Variants in ITIH5 observed in about 807,000 individuals in gnomAD.
The protein encoded by ITIH5 is inter-alpha-trypsin inhibitor heavy chain H5.
ITIH5 carries 65 observed loss-of-function variants against 77.5 expected under a neutral mutation model. The observed-to-expected ratio is 0.84, with a 90% CI of 0.69 to 1.03. ITIH5 has a LOEUF of 1.03. Ranked by LOEUF, ITIH5 falls within the 50% of genes least tolerant of loss-of-function variation. ITIH5 has a pLI of 0.00. For missense variants in ITIH5, 1,208 were observed against 1,213.1 expected, an observed-to-expected ratio of 1.00 and a Z score of 0.06; for synonymous variants, 525 against 494.3, an observed-to-expected ratio of 1.06 and a Z score of -0.82.
intron 10 of ITIH5, 134 bp downstream of exon 10, chr10:7,576,319 C>G (rs535516800): frequency 1.2e-6 from 1 of 826,016 alleles, no homozygotes; most frequent in Non-Finnish European, 1.8e-6. Context: ...CTACTATACC[C>G]GGTCTGGGTT....
chr10:7,603,101 T>C (rs1833048468), intron 7 of ITIH5, among the ~76,000 whole-genome samples: 1 of 152,098 alleles, frequency 6.6e-6, no homozygotes, highest in Non-Finnish European at 1.5e-5. Context: ...CACCTCTGAG[T>C]GTAGCTGCAG....
intron 5 of ITIH5, among the ~76,000 whole-genome samples, chr10:7,628,541 T>C (rs1252713609): frequency 2.0e-5 from 3 of 152,242 alleles, no homozygotes; most frequent in South Asian, 4.1e-4. Context: ...CATGTGTCCA[T>C]GTGATACCAT....
chr10:7,634,670 G>A (rs1170610305), intron 5 of ITIH5, among the ~76,000 whole-genome samples: 1 of 151,830 alleles, frequency 6.6e-6, no homozygotes, highest in Admixed American at 6.6e-5. Context: ...CCCACAACAC[G>A]TACACATCTC....
chr10:7,619,815 A>C lies in ITIH5; in HGVS notation c.653-2533T>G, dbSNP rs1833443815. On this transcript the variant is annotated intron_variant, in intron 5 of 13. Coordinates refer to ENST00000397146, the MANE Select transcript of ITIH5 (RefSeq NM_030569.7). ...CACTCCTCCGACACATGGGGATTAC[A>C]ATTCGAAATGCTATTTCCGTGGGGA... is the stretch of plus-strand genomic sequence containing the variant. 4 of 159,184 alleles carry C rather than the reference A, an allele frequency of 2.5e-5. No homozygotes were observed. The South Asian group carries it at 4.9e-4, about 20-fold the overall frequency. The allele number at this position is 159,184 out of a possible 1,614,324, so 9.9% of individuals were successfully genotyped here. A position where few individuals can be genotyped will look rare whatever the true frequency, so the allele number is the denominator to read the frequency against.
chr10:7,624,798 A>AAAAT (rs1471890933), intron 5 of ITIH5, among the ~76,000 whole-genome samples: 7 of 61,798 alleles, frequency 1.1e-4, no homozygotes, highest in African/African-American at 2.8e-4. Flanking sequence ...AAAAAAAAAA[A>AAAAT]ATATATATAT....
Position 7,644,539 on chromosome 10 carries a change from CAT to C in ITIH5, c.136-2451_136-2450del, listed in dbSNP as rs1318559164. Among the ~76,000 whole-genome samples the C allele has an allele frequency of 1.6e-4, 20 of 126,660 alleles. No homozygotes were observed. In the East Asian group the frequency reaches 4.6e-3, roughly 29 times the overall value. 83.1% of individuals were successfully genotyped at this position (126,660 alleles called of 152,430 possible). On this transcript the variant is annotated intron_variant, in intron 2 of 13. Coordinates refer to ENST00000397146, the MANE Select transcript of ITIH5 (RefSeq NM_030569.7). The stretch of plus-strand genomic sequence containing the variant: ...TATATCACATATATATGATATATCA[CAT>C]ATATATGATATATCACATATATATG...
At chr10:7,666,734 C>T (rs1308851934) in intron 1 of ITIH5, 69 bp downstream of exon 1, 2 of 1,335,020 alleles carry the variant, frequency 1.5e-6, no homozygotes, top group Non-Finnish European at 2.1e-6. Context: ...GGCAGAAGCT[C>T]CGCGGCCGGG....
At chr10:7,602,523 C>T (rs945782238) in intron 7 of ITIH5, among the ~76,000 whole-genome samples, 1 of 152,144 alleles carries the variant, frequency 6.6e-6, no homozygotes, top group Admixed American at 6.6e-5. Context: ...AAGCATCTGG[C>T]ATTTCCCCTG....
intron 5 of ITIH5, among the ~76,000 whole-genome samples, chr10:7,624,846 CATATAT>C (rs1225219515): frequency 1.8e-5 from 2 of 112,908 alleles, no homozygotes; most frequent in East Asian, 5.9e-4. Flanking sequence ...TGTATATACA[CATATAT>C]ATGTGTATAT....
intron 2 of ITIH5, among the ~76,000 whole-genome samples, chr10:7,654,880 C>G (rs1223963156): frequency 6.6e-6 from 1 of 151,902 alleles, no homozygotes; most frequent in Non-Finnish European, 1.5e-5. Context: ...AGAAGGAATA[C>G]TAGGCAAATG....
intron 8 of ITIH5, among the ~76,000 whole-genome samples, chr10:7,581,238 A>T (rs1169320176): frequency 6.6e-6 from 1 of 152,128 alleles, no homozygotes; most frequent in Non-Finnish European, 1.5e-5. Context: ...CCAGCCTGGG[A>T]AACAGAGTGA....
chr10:7,592,898 G>T (rs978031515), intron 7 of ITIH5, among the ~76,000 whole-genome samples: 1 of 152,116 alleles, frequency 6.6e-6, no homozygotes, highest in South Asian at 2.1e-4. Flanking sequence ...GCAGTGCTGG[G>T]GTGCTGGGCC....
chr10:7,580,941 C>T (rs10905191), intron 8 of ITIH5, among the ~76,000 whole-genome samples: 36,177 of 152,026 alleles, frequency 0.24, 4,502 homozygotes, highest in Non-Finnish European at 0.27. Flanking sequence ...CCTTCAGAGG[C>T]CCTTGTCAGC....
chr10:7,625,542 A>G (rs897111493), intron 5 of ITIH5, among the ~76,000 whole-genome samples: 2 of 152,176 alleles, frequency 1.3e-5, no homozygotes, highest in Non-Finnish European at 2.9e-5. Flanking sequence ...AGGCAGGTAG[A>G]TCACTTGATG....
chr10:7,604,723 T>C (rs1040802033), intron 7 of ITIH5, among the ~76,000 whole-genome samples: 23 of 152,232 alleles, frequency 1.5e-4, no homozygotes, highest in African/African-American at 5.3e-4. Context: ...CAAGAACCAG[T>C]TCCTTTTCCA....
At position 7,583,467 on chromosome 10, in the gene ITIH5, G is replaced by C. The variant is rs113155167; in HGVS notation, c.1108+2434C>G. On this transcript the variant is annotated intron_variant, in intron 8 of 13. Coordinates refer to ENST00000397146, the MANE Select transcript of ITIH5 (RefSeq NM_030569.7). ...CCTGCCTCAGCCTCCCCAGTAGCTG[G>C]GACTACAGGCGCAAGCTACCACGCC... 2.9e-3 allele frequency among the ~76,000 whole-genome samples: 440 copies of C among 152,216 alleles called. 4 individuals carry two copies. The highest frequency in any genetic ancestry group is 9.9e-3 in the African/African-American group (411 of 41,520).
intron 7 of ITIH5, among the ~76,000 whole-genome samples, chr10:7,608,137 T>C (rs530898374): frequency 2.2e-4 from 33 of 152,352 alleles, no homozygotes; most frequent in South Asian, 4.1e-4. Context: ...TCCTGCTTTC[T>C]GAGCGCCTTC....
At position 7,563,040 on chromosome 10, in the gene ITIH5, C is replaced by T. The variant is rs780619028; in HGVS notation, c.*43G>A. The T allele has an allele frequency of 2.5e-6, 4 of 1,582,360 alleles. No individual in the cohort carries two copies. The highest frequency in any genetic ancestry group is 4.5e-5 in the East Asian group (2 of 44,726). ...AAAGAGCTGCCCCACGGCCTCCCCA[C>T]ATCACTGTCCTTCATGCACTTGCAT... is the stretch of plus-strand genomic sequence containing the variant. On this transcript the variant is annotated 3_prime_UTR_variant, in exon 14 of 14. Coordinates refer to ENST00000397146, the MANE Select transcript of ITIH5 (RefSeq NM_030569.7).
Position 7,576,524 on chromosome 10 carries a change from GCCT to G in ITIH5, c.1904_1906del (p.Glu635del). On this transcript the variant is annotated inframe_deletion, in exon 10 of 14. Transcript: ENST00000397146. ...TCCCATGGCAGCCGACATGCCGTGG[GCCT>G]CCTCCAGGCCATCCATGCGTGGGAC... is the stretch of plus-strand genomic sequence containing the variant. 1.2e-6 allele frequency: 2 copies of G among 1,612,436 alleles called. No homozygotes were observed. The highest frequency in any genetic ancestry group is 1.7e-6 in the Non-Finnish European group (2 of 1,179,972).
Sources: allele counts gnomAD v4.1 joint callset (sites outside exome capture counted in the v4.1 genomes callset), GRCh38; gene constraint gnomAD v4.1.1; transcripts MANE v1.5; gene names NCBI Gene and HGNC (gene_info 2026-07-23, HGNC 2026-07-21).